RAPGEF4: variants seen among roughly 807,000 people sequenced by gnomAD.
The protein encoded by RAPGEF4 is RAP guanine-nucleotide-exchange factor (GEF) 4.
RAPGEF4 carries 66 observed loss-of-function variants against 147.9 expected under a neutral mutation model. The ratio of observed to expected loss-of-function variants is 0.45; its 90% CI spans 0.37 to 0.55. RAPGEF4 has a LOEUF of 0.55. Among genes scored for constraint, RAPGEF4 ranks in the 20% least tolerant of loss-of-function variants. RAPGEF4 has a pLI of 0.00. For synonymous variants in RAPGEF4, 419 were observed against 442.7 expected (o/e 0.95, Z 0.67); for missense variants, 1,071 against 1,257.3 (o/e 0.85, Z 2.24).
At chr2:172,750,588 A>T (rs1695192120) in intron 1 of RAPGEF4, among the ~76,000 whole-genome samples, 1 of 152,188 alleles carries the variant, frequency 6.6e-6, no homozygotes, top group Non-Finnish European at 1.5e-5. Context: ...GCCAAACCAT[A>T]TCACATTCCC....
chr2:172,757,992 T>G (rs900231298), intron 1 of RAPGEF4, among the ~76,000 whole-genome samples: 24 of 152,048 alleles, frequency 1.6e-4, no homozygotes, highest in African/African-American at 5.6e-4. Context: ...ATATCTTATG[T>G]TTGAAGGCAG....
At chr2:172,860,566 G>A (rs1232415738) in intron 4 of RAPGEF4, among the ~76,000 whole-genome samples, 5 of 146,806 alleles carry the variant, frequency 3.4e-5, no homozygotes, top group Non-Finnish European at 7.4e-5. Context: ...TGTTTATTTG[G>A]GTTTTTTTTT....
chr2:173,032,462 TAAGTA>T (rs66850605), intron 26 of RAPGEF4, among the ~76,000 whole-genome samples: 6,902 of 152,260 alleles, frequency 0.045, 199 homozygotes, highest in Admixed American at 0.08. Context: ...AAAAGAAAGC[TAAGTA>T]AAGAAAGAGA....
intron 3 of RAPGEF4, among the ~76,000 whole-genome samples, chr2:172,801,958 G>A (rs1423110177): frequency 6.6e-6 from 1 of 151,774 alleles, no homozygotes. Context: ...ACAGTGAAAG[G>A]GGTGTGGCCC....
chr2:172,844,838 A>T (rs558254455), intron 4 of RAPGEF4, among the ~76,000 whole-genome samples: 1 of 152,366 alleles, frequency 6.6e-6, no homozygotes, highest in Admixed American at 6.5e-5. Flanking sequence ...GTTTCAGTTT[A>T]ATGTCATCTA....
rs375540729 is a variant in RAPGEF4 at position 172,854,901 on chromosome 2, G to A, written c.444+40476G>A. 1.4e-3 allele frequency among the ~76,000 whole-genome samples: 208 copies of A among 152,268 alleles called. No individual in the cohort carries two copies. The South Asian group carries it at 0.017, about 12-fold the overall frequency. On this transcript the variant is annotated intron_variant, in intron 4 of 30. Transcript: ENST00000397081. Reference sequence around the variant, plus strand: ...GTTTTGAGAATGTCTCTGCAAGCCCGATGGAGAGTATTAATGCAAAAATTG... The same window carrying A: ...GTTTTGAGAATGTCTCTGCAAGCCCAATGGAGAGTATTAATGCAAAAATTG...
At chr2:172,953,526 A>C (rs1452660877) in intron 6 of RAPGEF4, among the ~76,000 whole-genome samples, 2 of 152,016 alleles carry the variant, frequency 1.3e-5, no homozygotes, top group Non-Finnish European at 2.9e-5. Context: ...ATTTCAACTC[A>C]GTGAAATATA....
Position 172,751,696 on chromosome 2 carries a change from A to G in RAPGEF4, c.65+15648A>G, listed in dbSNP as rs527797205. 1.4e-4 allele frequency among the ~76,000 whole-genome samples: 21 copies of G among 152,320 alleles called. No individual in the cohort carries two copies. The East Asian group carries it at 4.1e-3, about 29-fold the overall frequency. On this transcript the variant is annotated intron_variant, in intron 1 of 30. Coordinates refer to ENST00000397081, the MANE Select transcript of RAPGEF4 (RefSeq NM_007023.4). The stretch of plus-strand genomic sequence containing the variant: ...GAGAGGTCACCTAGTTTGAATTTAG[A>G]TCAGTGTAATCCAGACTTTACTAAA...
intron 1 of RAPGEF4, among the ~76,000 whole-genome samples, chr2:172,793,863 TGGTGGCTC>T (rs2149541886): frequency 6.6e-6 from 1 of 152,238 alleles, no homozygotes. Flanking sequence ...AGACTGGGCA[TGGTGGCTC>T]ATGCCTGTAA....
chr2:173,047,251 G>A (rs1685591054), intron 29 of RAPGEF4, among the ~76,000 whole-genome samples: 1 of 152,062 alleles, frequency 6.6e-6, no homozygotes, highest in African/African-American at 2.4e-5. Context: ...CCAGGGGATA[G>A]GAGTCTCTGT....
At chr2:172,976,230 G>A (rs2105592685) in intron 10 of RAPGEF4, among the ~76,000 whole-genome samples, 1 of 152,298 alleles carries the variant, frequency 6.6e-6, no homozygotes, top group East Asian at 1.9e-4. Context: ...ATGGCAGGGA[G>A]CTGAGCAGTC....
intron 1 of RAPGEF4, among the ~76,000 whole-genome samples, chr2:172,793,376 C>T (rs1429818923): frequency 6.6e-6 from 1 of 152,136 alleles, no homozygotes; most frequent in African/African-American, 2.4e-5. Context: ...CCCATAACAC[C>T]CTTCAAAGTT....
chr2:172,752,952 C>T (rs1398437215), intron 1 of RAPGEF4, among the ~76,000 whole-genome samples: 4 of 152,184 alleles, frequency 2.6e-5, no homozygotes, highest in African/African-American at 9.6e-5. Context: ...TTTATCTTAA[C>T]AACTTTAGAG....
chr2:172,835,960 C>A (rs565502479), intron 4 of RAPGEF4, among the ~76,000 whole-genome samples: 1 of 152,236 alleles, frequency 6.6e-6, no homozygotes, highest in Admixed American at 6.5e-5. Flanking sequence ...GAGTATCATT[C>A]TTCCAATCTC....
At chr2:172,807,370 T>C (rs1687606229) in intron 3 of RAPGEF4, among the ~76,000 whole-genome samples, 1 of 152,252 alleles carries the variant, frequency 6.6e-6, no homozygotes, top group Admixed American at 6.5e-5. Context: ...CCTGATCTTG[T>C]TAAGCTTTAT....
chr2:173,043,372 C>T (rs1035862545), intron 29 of RAPGEF4, among the ~76,000 whole-genome samples: 7 of 152,126 alleles, frequency 4.6e-5, no homozygotes, highest in African/African-American at 1.2e-4. Flanking sequence ...TTAGAAGAGG[C>T]CTGACGGTGA....
In RAPGEF4 at chr2:172,969,525, A is replaced by G. The variant is rs112365209; in HGVS notation, c.1004+2081A>G. 5.6e-3 allele frequency among the ~76,000 whole-genome samples: 859 copies of G among 152,296 alleles called. 10 individuals carry two copies. The highest frequency in any genetic ancestry group is 0.019 in the African/African-American group (807 of 41,562). ...CAGTAAACCTTTGCTGAGTGAGTGA[A>G]TGAATGAATGAATGAATGGAAGTGT... On this transcript the variant is annotated intron_variant, in intron 10 of 30. Transcript: ENST00000397081.
intron 4 of RAPGEF4, among the ~76,000 whole-genome samples, chr2:172,827,057 C>A (rs1414872970): frequency 2.6e-5 from 4 of 152,144 alleles, no homozygotes; most frequent in Admixed American, 1.3e-4. Context: ...CACACTCTCT[C>A]CATCCACATT....
intron 4 of RAPGEF4, among the ~76,000 whole-genome samples, chr2:172,874,355 C>A (rs560686682): frequency 1.3e-5 from 2 of 152,082 alleles, no homozygotes; most frequent in Non-Finnish European, 2.9e-5. Flanking sequence ...CCCATTAACT[C>A]GTCATTTACA....
Sources: allele counts gnomAD v4.1 joint callset (sites outside exome capture counted in the v4.1 genomes callset), GRCh38; gene constraint gnomAD v4.1.1; transcripts MANE v1.5; gene names NCBI Gene and HGNC (gene_info 2026-07-23, HGNC 2026-07-21).